Variants in PPIG observed in about 807,000 individuals in gnomAD.
PPIG encodes peptidylprolyl isomerase G.
A neutral mutation model predicts 87.9 loss-of-function variants in PPIG; 26 were observed. The ratio of observed to expected loss-of-function variants is 0.30; its 90% CI spans 0.22 to 0.41. The LOEUF (loss-of-function observed/expected upper bound fraction) is 0.41. Ranked by LOEUF, PPIG falls within the 10% of genes least tolerant of loss-of-function variation. The probability of loss-of-function intolerance (pLI) is 1.00; values close to 1 mark genes in which losing one functional copy is unlikely to be tolerated. For missense variants in PPIG, 722 were observed against 879.4 expected, an observed-to-expected ratio of 0.82 and a Z score of 2.26; for synonymous variants, 308 against 276.5, an observed-to-expected ratio of 1.11 and a Z score of -1.13.
chr2:169,636,726 A>G lies in PPIG; in HGVS notation c.1468A>G (p.Lys490Glu), dbSNP rs768102542. The G allele has an allele frequency of 4.3e-6, 7 of 1,612,146 alleles. No individual in the cohort carries two copies. Among genetic ancestry groups the G allele is most frequent in the South Asian group, 1.1e-5 (1 of 90,704 alleles). Residue 490 changes from lysine to glutamate, a missense_variant, in exon 14 of 14, where the codon AAA (lysine) becomes GAA (glutamate). Around this residue, in one of 4 missense-constraint regions of PPIG, gnomAD observed 476 missense variants for 483.1 expected, o/e 0.99. Coordinates refer to ENST00000260970, the MANE Select transcript of PPIG (RefSeq NM_004792.3). ...NEEKRMRSRS[K>E]GRDHENVKEK... is the part of the protein sequence containing the mutation. Reference sequence around the variant, plus strand: ...AGAAAAGAGGATGAGGTCAAGGAGTAAAGGAAGGGATCATGAAAATGTTAA... The same window carrying G: ...AGAAAAGAGGATGAGGTCAAGGAGTGAAGGAAGGGATCATGAAAATGTTAA...
intron 1 of PPIG, among the ~76,000 whole-genome samples, chr2:169,588,990 A>G (rs377193701): frequency 4.7e-5 from 7 of 150,486 alleles, no homozygotes; most frequent in African/African-American, 1.7e-4. Flanking sequence ...AAAACCTTAG[A>G]TAATTGCAAG....
At chr2:169,607,803 T>A (rs2105491826) in intron 6 of PPIG, among the ~76,000 whole-genome samples, 1 of 152,310 alleles carries the variant, frequency 6.6e-6, no homozygotes, top group South Asian at 2.1e-4. Flanking sequence ...TAAATAATAC[T>A]CTGTGTGCTC....
chr2:169,601,540 T>A (rs1196605697), intron 1 of PPIG, among the ~76,000 whole-genome samples: 1 of 152,152 alleles, frequency 6.6e-6, no homozygotes, highest in African/African-American at 2.4e-5. Flanking sequence ...GGAATGGGCC[T>A]CTATAAGAAG....
intron 1 of PPIG, among the ~76,000 whole-genome samples, chr2:169,595,594 C>T (rs1390183940): frequency 1.3e-5 from 2 of 152,178 alleles, no homozygotes; most frequent in Non-Finnish European, 2.9e-5. Flanking sequence ...AGTCTCTCTA[C>T]TCTCTTATCT....
At position 169,640,499 on chromosome 2, in the gene PPIG, A is replaced by T. The variant is rs1686287570; in HGVS notation, c.*2976A>T. On this transcript the variant is annotated 3_prime_UTR_variant, in exon 14 of 14. Transcript: ENST00000260970. Reference sequence around the variant, plus strand: ...TGGTAATATAGTTTTCATCACACTAAACTTTTTATACTAAATTTCTGTAGA... The same window carrying T: ...TGGTAATATAGTTTTCATCACACTATACTTTTTATACTAAATTTCTGTAGA... 1.3e-5 allele frequency: 2 copies of T among 152,142 alleles called. No homozygotes were observed. Among genetic ancestry groups the T allele is most frequent in the African/African-American group, 4.8e-5 (2 of 41,436 alleles). 9.4% of individuals were successfully genotyped at this position (152,142 alleles called of 1,614,324 possible).
chr2:169,637,287 A>C lies in PPIG; in HGVS notation c.2029A>C (p.Ser677Arg). 1 of 1,608,188 alleles carries C rather than the reference A, an allele frequency of 6.2e-7. No individual in the cohort carries two copies. The highest frequency in any genetic ancestry group is 2.2e-5 in the East Asian group (1 of 44,858). The change falls in exon 14 of 14, where the codon AGC becomes CGC. Residue 677 changes from serine (S) to arginine (R), a missense_variant. Transcript: ENST00000260970. ...TCGTGATCATAATAGCTCAAATAAC[A>C]GCAGGGAAAAAAAGGCTGATAGAGA... Reference protein sequence around the residue: ...KSRDHNSSNNSREKKADRDQS... With the variant: ...KSRDHNSSNNRREKKADRDQS...
chr2:169,634,718 C>A (rs1686140258), intron 12 of PPIG, among the ~76,000 whole-genome samples: 1 of 151,918 alleles, frequency 6.6e-6, no homozygotes, highest in African/African-American at 2.4e-5. Flanking sequence ...TATATCTTAC[C>A]CATCACCGAA....
intron 1 of PPIG, among the ~76,000 whole-genome samples, chr2:169,594,063 T>C (rs775785974): frequency 5.9e-5 from 9 of 152,112 alleles, no homozygotes; most frequent in Non-Finnish European, 1.3e-4. Flanking sequence ...TTATGATAGG[T>C]TGCTTTTGAT....
At chr2:169,601,491 TAGG>T (rs1685182698) in intron 1 of PPIG, among the ~76,000 whole-genome samples, 1 of 152,158 alleles carries the variant, frequency 6.6e-6, no homozygotes, top group African/African-American at 2.4e-5. Context: ...TGTAAAGTGT[TAGG>T]AGGATGAGAG....
At chr2:169,626,732 C>T (rs558242685) in intron 9 of PPIG, among the ~76,000 whole-genome samples, 16 of 152,020 alleles carry the variant, frequency 1.1e-4, no homozygotes, top group African/African-American at 3.6e-4. Flanking sequence ...TAAATCAGGA[C>T]GGAGTCTCAC....
intron 4 of PPIG, among the ~76,000 whole-genome samples, chr2:169,604,899 ATGGCTGGGCACGGTG>A (rs1388025637): frequency 6.6e-6 from 1 of 151,034 alleles, no homozygotes; most frequent in Non-Finnish European, 1.5e-5. Context: ...AAGAAATATT[ATGGCTGGGCACGGTG>A]TGGCTGGGCA....
intron 7 of PPIG, 140 bp from the exon 8 acceptor site, chr2:169,614,324 A>G (rs750974442): frequency 1.3e-6 from 1 of 742,172 alleles, no homozygotes; most frequent in Non-Finnish European, 2.3e-6. Flanking sequence ...TTGAGGTAAT[A>G]TGATTATATT....
rs182341490 is a variant in PPIG, at chr2:169,617,651, C to T, written c.547+2927C>T. Among the ~76,000 whole-genome samples, 128 of 151,980 alleles carry T rather than the reference C, an allele frequency of 8.4e-4. 2 individuals are homozygous for T. The highest frequency in any genetic ancestry group is 2.9e-3 in the African/African-American group (120 of 41,502). ...ATGGGAGTTCACTCATGATTTGACT[C>T]TCTGTCTGTTATTGGTGTATAGGAA... On this transcript the variant is annotated intron_variant, in intron 9 of 13. Coordinates refer to ENST00000260970, the MANE Select transcript of PPIG (RefSeq NM_004792.3).
At chr2:169,598,905 G>A (rs1227890646) in intron 1 of PPIG, among the ~76,000 whole-genome samples, 1 of 149,452 alleles carries the variant, frequency 6.7e-6, no homozygotes, top group Non-Finnish European at 1.5e-5. Context: ...GTAAATATAG[G>A]TAAATATTTA....
intron 5 of PPIG, 146 bp from the exon 6 acceptor site, chr2:169,606,958 C>T: frequency 1.6e-6 from 1 of 628,698 alleles, no homozygotes. Flanking sequence ...TCGTTATTGA[C>T]ATTAATATCT....
chr2:169,599,129 T>C (rs1685106820), intron 1 of PPIG, among the ~76,000 whole-genome samples: 1 of 152,120 alleles, frequency 6.6e-6, no homozygotes, highest in South Asian at 2.1e-4. Context: ...TGGATATTTG[T>C]TGTCAAATTG....
At chr2:169,621,871 C>T (rs1685762325) in intron 9 of PPIG, among the ~76,000 whole-genome samples, 1 of 151,140 alleles carries the variant, frequency 6.6e-6, no homozygotes, top group Non-Finnish European at 1.5e-5. Flanking sequence ...GCAGGAGGAT[C>T]GCTTGAGCCC....
intron 9 of PPIG, among the ~76,000 whole-genome samples, chr2:169,616,304 A>G (rs1270955164): frequency 6.6e-6 from 1 of 152,154 alleles, no homozygotes; most frequent in African/African-American, 2.4e-5. Flanking sequence ...GCTGCAGTAA[A>G]CATATGTGTG....
intron 4 of PPIG, among the ~76,000 whole-genome samples, chr2:169,604,861 C>T (rs1034107851): frequency 1.7e-4 from 25 of 146,778 alleles, no homozygotes; most frequent in Non-Finnish European, 4.5e-5. Context: ...GCTAGAAGAG[C>T]GAGACTCCAT....
Sources: allele counts gnomAD v4.1 joint callset (sites outside exome capture counted in the v4.1 genomes callset), GRCh38; gene constraint gnomAD v4.1.1; regional missense constraint gnomAD v4.1.1; transcripts MANE v1.5; gene names NCBI Gene and HGNC (gene_info 2026-07-23, HGNC 2026-07-21).